The following FGD4 variants were observed in gnomAD, a reference collection of about 807,000 sequenced individuals.
The protein encoded by FGD4 is FYVE, RhoGEF and PH domain-containing protein 4.
A neutral mutation model predicts 102.0 loss-of-function variants in FGD4; 42 were observed. The observed-to-expected ratio is 0.41, with a 90% CI of 0.32 to 0.53. FGD4 has a LOEUF of 0.53. Among genes scored for constraint, FGD4 ranks in the 20% least tolerant of loss-of-function variants. FGD4 has a pLI of 0.21. For missense variants in FGD4, 902 were observed against 1,078.2 expected (o/e 0.84, Z 2.29); for synonymous variants, 380 against 375.7 (o/e 1.01, Z -0.13).
Position 32,638,862 on chromosome 12 carries a change from G to A in FGD4, c.2454+67G>A, listed in dbSNP as rs4575368. ...GGGCAAGGGGAAGCGAGTGGACAGCGGACTCAAAATCTGTAGAACAAGAGT... is the reference window on the plus strand; with the variant it reads ...GGGCAAGGGGAAGCGAGTGGACAGCAGACTCAAAATCTGTAGAACAAGAGT... On this transcript the variant is annotated intron_variant, in intron 16 of 16. Transcript: ENST00000534526. 0.11 allele frequency: 177,935 copies of A among 1,607,858 alleles called. 10,885 individuals carry two copies. The highest frequency in any genetic ancestry group is 0.18 in the Middle Eastern group (1,092 of 6,016).
chr12:32,525,764 G>A (rs745962805), intron 1 of FGD4, among the ~76,000 whole-genome samples: 4 of 152,242 alleles, frequency 2.6e-5, no homozygotes, highest in Non-Finnish European at 4.4e-5. Context: ...CCCCGCACTC[G>A]GAGCAGCCAG....
intron 1 of FGD4, among the ~76,000 whole-genome samples, chr12:32,555,734 G>T (rs900903538): frequency 3.9e-5 from 6 of 151,944 alleles, no homozygotes; most frequent in Non-Finnish European, 8.8e-5. Flanking sequence ...ACCACGCCCG[G>T]CTAATTTTTG....
At chr12:32,558,599 A>G (rs993216327) in intron 1 of FGD4, among the ~76,000 whole-genome samples, 1 of 152,260 alleles carries the variant, frequency 6.6e-6, no homozygotes, top group African/African-American at 2.4e-5. Context: ...AAAATGTAAT[A>G]TAACAGCCTA....
At chr12:32,478,758 T>C (rs920286104) in intron 1 of FGD4, among the ~76,000 whole-genome samples, 6 of 152,208 alleles carry the variant, frequency 3.9e-5, no homozygotes, top group African/African-American at 1.4e-4. Context: ...TCTTCCGTCC[T>C]CCTCATACCT....
At chr12:32,423,516 C>T (rs376037228) in intron 1 of FGD4, among the ~76,000 whole-genome samples, 6 of 149,340 alleles carry the variant, frequency 4.0e-5, no homozygotes, top group East Asian at 2.0e-4. Flanking sequence ...TGCTTGAACC[C>T]GGGAGGCGAA....
chr12:32,577,535 C>CA (rs1420883314), intron 3 of FGD4, among the ~76,000 whole-genome samples: 1 of 152,200 alleles, frequency 6.6e-6, no homozygotes, highest in Non-Finnish European at 1.5e-5. Flanking sequence ...TTCCTCCTAT[C>CA]AATTTCCTGT....
intron 14 of FGD4, among the ~76,000 whole-genome samples, chr12:32,625,993 G>C (rs1950144584): frequency 1.3e-5 from 2 of 152,164 alleles, no homozygotes; most frequent in Non-Finnish European, 2.9e-5. Context: ...TAATGGGGAA[G>C]ACAGACAAAT....
chr12:32,455,188 A>G (rs1046836242), intron 1 of FGD4, among the ~76,000 whole-genome samples: 2 of 152,208 alleles, frequency 1.3e-5, no homozygotes. Flanking sequence ...CTTTGACAAT[A>G]ACATTGTGAA....
chr12:32,582,399 G>A lies in FGD4; in HGVS notation c.943G>A (p.Val315Ile). The A allele has an allele frequency of 6.2e-7, 1 of 1,614,030 alleles. No homozygotes were observed. The highest frequency in any genetic ancestry group is 8.5e-7 in the Non-Finnish European group (1 of 1,180,042). ...AAGAGGGGCAGAAACAGAAACCAAG[G>A]TACAAGAGAGGGAAAATGGGGAAAG... Reference protein sequence around the residue: ...EERGAETETKVQERENGESPL... With the variant: ...EERGAETETKIQERENGESPL... The change falls in exon 4 of 17, where the codon GTA becomes ATA. Residue 315 changes from valine to isoleucine, a missense_variant. Val to Ile is a conservative substitution (Grantham distance 29). Around this residue, in one of 2 missense-constraint regions of FGD4, gnomAD observed 443 missense variants for 459.2 expected, o/e 0.96. Transcript: ENST00000534526.
intron 1 of FGD4, among the ~76,000 whole-genome samples, chr12:32,468,808 G>T (rs7955589): frequency 0.96 from 145,899 of 152,312 alleles, 70,241 homozygotes; most frequent in East Asian, 1. Context: ...TTATAGCATT[G>T]ATTTATTCTG....
In FGD4 at chr12:32,564,169, C is replaced by T; in HGVS notation, c.199C>T (p.Pro67Ser). ...TACCTGTCCAAAGATCGCTTTAGTT[C>T]CACCTTGCTCCACAAGCAGCACAAC... ...SSTCPKIALV[P>S]PCSTSSTTTL... The change falls in exon 2 of 17, where the codon CCA becomes TCA. Residue 67 changes from proline to serine, a missense_variant. Pro to Ser is a moderately conservative substitution (Grantham distance 74, BLOSUM62 -1). This residue lies in a region of FGD4 where 443 missense variants were observed against 459.2 expected (regional missense o/e 0.96). Coordinates refer to ENST00000534526, the MANE Select transcript of FGD4 (RefSeq NM_001370298.3). 1 of 1,536,090 alleles carries T rather than the reference C, an allele frequency of 6.5e-7. No homozygotes were observed. Among genetic ancestry groups the T allele is most frequent in the Non-Finnish European group, 8.7e-7 (1 of 1,146,876 alleles).
rs991881259 is a variant in FGD4 at position 32,611,239 on chromosome 12, C to T, written c.1705C>T (p.Leu569=). Residue 569 remains leucine (L), a synonymous_variant, in exon 10 of 17, where the codon CTA becomes TTA. Transcript: ENST00000534526. The stretch of plus-strand genomic sequence containing the variant: ...AATAAAAGAAGGACAGATCCTCAAA[C>T]TAGCTGCTCGGAACACTTCAGCACA... ...ELIKEGQILK[L]AARNTSAQER... 1.9e-6 allele frequency: 3 copies of T among 1,614,196 alleles called. No individual in the cohort carries two copies. Among genetic ancestry groups the T allele is most frequent in the Non-Finnish European group, 2.5e-6 (3 of 1,180,034 alleles).
rs375436189 is a variant in FGD4, at chr12:32,466,132, C to T, written c.166+66173C>T. 3.9e-5 allele frequency among the ~76,000 whole-genome samples: 6 copies of T among 152,172 alleles called. No homozygotes were observed. In the South Asian group the frequency reaches 1.0e-3, roughly 26 times the overall value. On this transcript the variant is annotated intron_variant, in intron 1 of 16. Transcript: ENST00000534526. Reference sequence around the variant, plus strand: ...TGTTTTTTAAAATATAATGGTATTGCACATTTGCCAAACTACAGTGTATTG... The same window carrying T: ...TGTTTTTTAAAATATAATGGTATTGTACATTTGCCAAACTACAGTGTATTG...
chr12:32,456,814 T>G (rs2136486156), intron 1 of FGD4, among the ~76,000 whole-genome samples: 1 of 152,324 alleles, frequency 6.6e-6, no homozygotes, highest in Non-Finnish European at 1.5e-5. Context: ...GATGCAGTCC[T>G]TTTTAAAGGA....
chr12:32,443,006 G>T (rs1045856297), intron 1 of FGD4, among the ~76,000 whole-genome samples: 5 of 152,068 alleles, frequency 3.3e-5, no homozygotes, highest in Non-Finnish European at 1.5e-5. Flanking sequence ...CAGGTATTTT[G>T]CCCATGTTTT....
intron 1 of FGD4, among the ~76,000 whole-genome samples, chr12:32,474,261 A>G (rs1048189207): frequency 6.6e-6 from 1 of 152,184 alleles, no homozygotes; most frequent in Non-Finnish European, 1.5e-5. Context: ...CATATACTCA[A>G]AAGCAATGAA....
At chr12:32,563,074 G>C (rs1289883534) in intron 1 of FGD4, among the ~76,000 whole-genome samples, 2 of 148,328 alleles carry the variant, frequency 1.3e-5, no homozygotes, top group Admixed American at 6.7e-5. Flanking sequence ...CGGACGGGGC[G>C]GCTGGCCGGG....
At chr12:32,432,490 C>T (rs1942082367) in intron 1 of FGD4, among the ~76,000 whole-genome samples, 1 of 151,882 alleles carries the variant, frequency 6.6e-6, no homozygotes, top group East Asian at 2.0e-4. Flanking sequence ...ATGGCACACT[C>T]CTGTAATCCC....
chr12:32,443,237 A>C (rs1378340260), intron 1 of FGD4, among the ~76,000 whole-genome samples: 1 of 152,206 alleles, frequency 6.6e-6, no homozygotes, highest in Non-Finnish European at 1.5e-5. Context: ...TGACAATCTG[A>C]CATCAAGAAT....
Sources: allele counts gnomAD v4.1 joint callset (sites outside exome capture counted in the v4.1 genomes callset), GRCh38; gene constraint gnomAD v4.1.1; regional missense constraint gnomAD v4.1.1; transcripts MANE v1.5; gene names NCBI Gene and HGNC (gene_info 2026-07-23, HGNC 2026-07-21).